The following CFAP43 variants were observed in gnomAD, a reference collection of about 807,000 sequenced individuals.
CFAP43 encodes the protein cilia and flagella associated protein 43, also known as cilia- and flagella-associated protein 43.
CFAP43 carries 155 observed loss-of-function variants against 218.9 expected under a neutral mutation model. That is an observed-to-expected ratio of 0.71 (90% CI 0.62 to 0.81). The LOEUF (loss-of-function observed/expected upper bound fraction) is 0.81. CFAP43 is among the 30% of genes least tolerant of loss of function. CFAP43 has a pLI of 0.00. For synonymous variants in CFAP43, 645 were observed against 681.3 expected (o/e 0.95, Z 0.83); for missense variants, 1,778 against 1,954.3 (o/e 0.91, Z 1.70).
intron 6 of CFAP43, among the ~76,000 whole-genome samples, chr10:104,206,883 G>T (rs2090707162): frequency 6.6e-6 from 1 of 152,090 alleles, no homozygotes; most frequent in Non-Finnish European, 1.5e-5. Context: ...AATTCTAGCT[G>T]AGCAATATGG....
chr10:104,225,346 C>T, intron 3 of CFAP43, 115 bp downstream of exon 3: 1 of 875,120 alleles, frequency 1.1e-6, no homozygotes, highest in South Asian at 2.1e-5. Context: ...GGCATTTTTT[C>T]CTTCTATATT....
At chr10:104,164,399 ATTTTTT>A (rs61636691) in intron 23 of CFAP43, 99 bp from the exon 24 acceptor site, 28 of 797,142 alleles carry the variant, frequency 3.5e-5, no homozygotes, top group Admixed American at 6.4e-5. Context: ...CATTCCACAA[ATTTTTT>A]TTTTTTTTTT....
At chr10:104,179,707 T>A (rs2089758482) in intron 18 of CFAP43, 133 bp downstream of exon 18, 1 of 677,442 alleles carries the variant, frequency 1.5e-6, no homozygotes, top group African/African-American at 1.8e-5. Flanking sequence ...AAGTTACACC[T>A]GTATGTTGTA....
At chr10:104,221,234 CAA>C (rs2134998228) in intron 3 of CFAP43, among the ~76,000 whole-genome samples, 1 of 152,290 alleles carries the variant, frequency 6.6e-6, no homozygotes, top group African/African-American at 2.4e-5. Context: ...CTTGGCCTCC[CAA>C]AGTGTTGGGA....
At chr10:104,225,751 G>A (rs2135010074) in intron 2 of CFAP43, among the ~76,000 whole-genome samples, 194 bp from the exon 3 acceptor site, 1 of 152,306 alleles carries the variant, frequency 6.6e-6, no homozygotes, top group East Asian at 1.9e-4. Context: ...AGATCCATTT[G>A]TAAAATATAT....
chr10:104,185,364 G>A (rs1476085550), intron 15 of CFAP43, among the ~76,000 whole-genome samples: 1 of 152,072 alleles, frequency 6.6e-6, no homozygotes, highest in Non-Finnish European at 1.5e-5. Flanking sequence ...CACTACCTTT[G>A]TGTAGTATGG....
At chr10:104,183,560 T>C in intron 16 of CFAP43, among the ~76,000 whole-genome samples, 1 of 152,074 alleles carries the variant, frequency 6.6e-6, no homozygotes, top group Admixed American at 6.5e-5. Context: ...CGGCTAATTT[T>C]TTGTATTTTT....
At chr10:104,204,699 G>A (rs1166218797) in intron 7 of CFAP43, among the ~76,000 whole-genome samples, 2 of 152,064 alleles carry the variant, frequency 1.3e-5, no homozygotes, top group African/African-American at 4.8e-5. Context: ...TGCAAGGTTG[G>A]GGGAGCTAAG....
intron 34 of CFAP43, among the ~76,000 whole-genome samples, chr10:104,139,088 G>A (rs146131620): frequency 3.5e-4 from 54 of 152,258 alleles, no homozygotes; most frequent in African/African-American, 1.3e-3. Context: ...CAGATATTTT[G>A]CCTTTGATGG....
At chr10:104,156,708 C>T (rs1227020523) in intron 27 of CFAP43, among the ~76,000 whole-genome samples, 1 of 152,122 alleles carries the variant, frequency 6.6e-6, no homozygotes, top group Non-Finnish European at 1.5e-5. Flanking sequence ...CCCAAAGAAG[C>T]AAAGTTCCAA....
chr10:104,179,708 G>T lies in CFAP43; in HGVS notation c.2382+132C>A, dbSNP rs566365561. On this transcript the variant is annotated intron_variant, in intron 18 of 37. Coordinates refer to ENST00000357060, the MANE Select transcript of CFAP43 (RefSeq NM_025145.7). Reference sequence around the variant, plus strand: ...ATTTGCTTTCCGAAAAGTTACACCTGTATGTTGTAATGCTCTGCCAAGTGG... The same window carrying T: ...ATTTGCTTTCCGAAAAGTTACACCTTTATGTTGTAATGCTCTGCCAAGTGG... 3.4e-5 allele frequency: 23 copies of T among 680,404 alleles called. No individual in the cohort carries two copies. The African/African-American group carries it at 4.2e-4, about 12-fold the overall frequency. 42.1% of individuals were successfully genotyped at this position (680,404 alleles called of 1,614,324 possible). A position where few individuals can be genotyped will look rare whatever the true frequency, so the allele number is the denominator to read the frequency against.
intron 11 of CFAP43, 42 bp downstream of exon 11, chr10:104,193,823 CG>C: frequency 1.3e-6 from 2 of 1,584,848 alleles, no homozygotes; most frequent in Middle Eastern, 1.7e-4. Flanking sequence ...TTTCAACAGA[CG>C]GGTGTGACAC....
At chr10:104,191,254 G>A (rs910353951) in intron 12 of CFAP43, among the ~76,000 whole-genome samples, 2 of 152,070 alleles carry the variant, frequency 1.3e-5, no homozygotes, top group Non-Finnish European at 2.9e-5. Context: ...CAGACTCTTT[G>A]GAATGATATT....
rs900957093 is a variant in CFAP43 at position 104,232,350 on chromosome 10, T to C, written c.-104A>G. 2.2e-5 allele frequency: 26 copies of C among 1,171,352 alleles called. No homozygotes were observed. The highest frequency in any genetic ancestry group is 3.5e-6 in the Non-Finnish European group (3 of 862,044). 72.6% of individuals were successfully genotyped at this position (1,171,352 alleles called of 1,614,324 possible). A position where few individuals can be genotyped will look rare whatever the true frequency, so the allele number is the denominator to read the frequency against. ...GGGCTGCGGGCCGCGACGCCGCTGC[T>C]GTGTACACCCGTATCCCGGAGACCG... On this transcript the variant is annotated 5_prime_UTR_variant, in exon 1 of 38. Transcript: ENST00000357060.
In CFAP43 at chr10:104,142,304, C is replaced by T. The variant is rs1215927114; in HGVS notation, c.4248G>A (p.Glu1416=). ...ACAGGATGAGTTCATGGAACACTCT[C>T]TCAATCTCCTGTTGCACCTTCTCTT... ...EEEEKVQQEI[E]RVFHELILLQ... The change falls in exon 33 of 38, where the codon GAG becomes GAA. Residue 1416 remains glutamate, a synonymous_variant. Transcript: ENST00000357060. The T allele has an allele frequency of 6.2e-7, 1 of 1,613,456 alleles. No homozygotes were observed. Among genetic ancestry groups the T allele is most frequent in the South Asian group, 1.1e-5 (1 of 90,956 alleles).
rs375975488 is a variant in CFAP43, at chr10:104,212,174, C to A, written c.585-17G>T. The A allele has an allele frequency of 6.2e-7, 1 of 1,607,536 alleles. No individual in the cohort carries two copies. Among genetic ancestry groups the A allele is most frequent in the African/African-American group, 1.3e-5 (1 of 74,744 alleles). ...TTCACCGACCTGTAGACAAAAGAGGCATCAGAACAATGAGATGAACAGAAA... is the reference window on the plus strand; with the variant it reads ...TTCACCGACCTGTAGACAAAAGAGGAATCAGAACAATGAGATGAACAGAAA... On this transcript the variant is annotated splice_polypyrimidine_tract_variant and intron_variant, in intron 4 of 37. Transcript: ENST00000357060.
chr10:104,185,860 AT>A (rs2090011658), intron 15 of CFAP43, 113 bp downstream of exon 15: 13 of 832,416 alleles, frequency 1.6e-5, no homozygotes, highest in Non-Finnish European at 2.3e-5. Flanking sequence ...TACCTTCAAT[AT>A]CTTTTCAGAG....
In CFAP43 at chr10:104,164,250, T is replaced by A. The variant is rs146641264; in HGVS notation, c.3090A>T (p.Ala1030=). 1.9e-5 allele frequency: 31 copies of A among 1,613,050 alleles called. No homozygotes were observed. The highest frequency in any genetic ancestry group is 2.5e-5 in the Non-Finnish European group (30 of 1,179,448). ...KTVFNNEFDA[A]YKQKEFEIAR... ...CAATTTCAAACTCTTTTTGTTTATA[T>A]GCAGCGTCAAACTCATTATTGAAAA... The change falls in exon 24 of 38, where the codon GCA becomes GCT. Residue 1030 remains alanine, a synonymous_variant. Coordinates refer to ENST00000357060, the MANE Select transcript of CFAP43 (RefSeq NM_025145.7).
chr10:104,156,748 ATAACT>A lies in CFAP43; in HGVS notation c.3541-4027_3541-4023del, dbSNP rs370072290. Among the ~76,000 whole-genome samples the A allele has an allele frequency of 2.1e-4, 32 of 152,354 alleles. No homozygotes were observed. In the East Asian group the frequency reaches 2.7e-3, roughly 13 times the overall value. ...ATATAAAATTTAAAAGGTTTTGTACATAACTTGTTCAAAATTTGTCCAGCACCAAC... is the reference window on the plus strand; with the variant it reads ...ATATAAAATTTAAAAGGTTTTGTACATGTTCAAAATTTGTCCAGCACCAAC... On this transcript the variant is annotated intron_variant, in intron 27 of 37. Transcript: ENST00000357060.
Sources: gnomAD v4.1 joint callset for allele counts (sites outside exome capture counted in the v4.1 genomes callset) on GRCh38, gnomAD v4.1.1 for gene constraint, MANE v1.5 for transcripts, NCBI Gene and HGNC (gene_info 2026-07-23, HGNC 2026-07-21) for gene names.